Variants in SGK3 observed in about 807,000 individuals in gnomAD.
SGK3 encodes the protein serine/threonine-protein kinase Sgk3.
A neutral mutation model predicts 68.5 loss-of-function variants in SGK3; 47 were observed. The observed-to-expected ratio is 0.69, with a 90% CI of 0.54 to 0.87. The LOEUF (loss-of-function observed/expected upper bound fraction) is 0.87. Among genes scored for constraint, SGK3 ranks in the 40% least tolerant of loss-of-function variants. SGK3 has a pLI of 0.00. For synonymous variants in SGK3, 181 were observed against 189.1 expected (o/e 0.96, Z 0.35); for missense variants, 479 against 575.5 (o/e 0.83, Z 1.72).
At chr8:66,832,616 A>G (rs192501316) in intron 8 of SGK3, among the ~76,000 whole-genome samples, 10 of 152,286 alleles carry the variant, frequency 6.6e-5, no homozygotes, top group Non-Finnish European at 2.9e-5. Flanking sequence ...ATTATCTGTC[A>G]TTAAAAACAA....
chr8:66,839,469 A>T (rs1426454930), intron 10 of SGK3, among the ~76,000 whole-genome samples: 14 of 120,148 alleles, frequency 1.2e-4, no homozygotes, highest in African/African-American at 4.3e-4. Flanking sequence ...GAAAAACAGT[A>T]TTTGGCTCAA....
At chr8:66,799,122 G>C (rs1807821220) in intron 3 of SGK3, among the ~76,000 whole-genome samples, 1 of 152,226 alleles carries the variant, frequency 6.6e-6, no homozygotes, top group Non-Finnish European at 1.5e-5. Context: ...TAAGATCTAA[G>C]AGACCATTAG....
chr8:66,846,487 T>A (rs1287468877), intron 14 of SGK3, among the ~76,000 whole-genome samples: 2 of 152,138 alleles, frequency 1.3e-5, no homozygotes, highest in African/African-American at 4.8e-5. Context: ...GCTGGTTTTT[T>A]ATTTTTTCAG....
chr8:66,800,379 C>CT (rs35415180), intron 3 of SGK3, among the ~76,000 whole-genome samples: 1,318 of 102,356 alleles, frequency 0.013, 16 homozygotes, highest in African/African-American at 0.031. Context: ...TTTTTCATTT[C>CT]TTTTTTTTTT....
At chr8:66,744,513 ATATATATTTTTTTTTTT>A (rs1805581234) in intron 1 of SGK3, among the ~76,000 whole-genome samples, 1 of 25,854 alleles carries the variant, frequency 3.9e-5, no homozygotes, top group Non-Finnish European at 6.0e-5. Flanking sequence ...ATATATATAT[ATATATATTTTTTTTTTT>A]TTTTTTTTTT....
chr8:66,767,856 G>A (rs113087684), intron 1 of SGK3: 19,431 of 1,404,282 alleles, frequency 0.014, 483 homozygotes, highest in South Asian at 0.041. Context: ...TGGGAGCATC[G>A]AATGTTTTGC....
intron 1 of SGK3, among the ~76,000 whole-genome samples, chr8:66,782,178 G>T (rs1286345156): frequency 1.3e-5 from 2 of 152,178 alleles, no homozygotes; most frequent in East Asian, 3.8e-4. Context: ...GTTAGAATTT[G>T]CTGGGAAGGT....
intron 15 of SGK3, among the ~76,000 whole-genome samples, chr8:66,849,537 G>T (rs1232496402): frequency 6.6e-6 from 1 of 151,488 alleles, no homozygotes; most frequent in African/African-American, 2.4e-5. Context: ...TCCCTTATCT[G>T]GTCTTGACTC....
At chr8:66,818,286 A>G (rs572020741) in intron 5 of SGK3, among the ~76,000 whole-genome samples, 2 of 152,358 alleles carry the variant, frequency 1.3e-5, no homozygotes, top group South Asian at 2.1e-4. Flanking sequence ...CCAAAACAAA[A>G]CAAAACAGAA....
At chr8:66,758,787 A>G (rs886954800) in intron 1 of SGK3, among the ~76,000 whole-genome samples, 1 of 152,154 alleles carries the variant, frequency 6.6e-6, no homozygotes, top group African/African-American at 2.4e-5. Context: ...AGTAGCTGGA[A>G]CTACCAGCAT....
intron 7 of SGK3, among the ~76,000 whole-genome samples, chr8:66,830,390 G>A (rs1043509048): frequency 9.1e-4 from 139 of 152,296 alleles, no homozygotes; most frequent in African/African-American, 3.3e-3. Context: ...TATCTCACTA[G>A]TCTTTACCTG....
intron 1 of SGK3, among the ~76,000 whole-genome samples, chr8:66,757,134 T>A (rs900836217): frequency 2.0e-5 from 3 of 149,298 alleles, no homozygotes; most frequent in Admixed American, 2.0e-4. Flanking sequence ...GCCCTATTTT[T>A]TTTTTTTTTT....
chr8:66,757,637 A>G (rs1448365751), intron 1 of SGK3, among the ~76,000 whole-genome samples: 1 of 151,612 alleles, frequency 6.6e-6, no homozygotes, highest in Non-Finnish European at 1.5e-5. Flanking sequence ...AAATATGGCC[A>G]GGTGCAGTGG....
chr8:66,814,000 A>C, intron 5 of SGK3, 72 bp downstream of exon 5: 1 of 1,316,102 alleles, frequency 7.6e-7, no homozygotes, highest in Non-Finnish European at 1.0e-6. Context: ...TCCTTATATA[A>C]ATTTTGTTTG....
intron 1 of SGK3, among the ~76,000 whole-genome samples, chr8:66,744,949 T>C (rs1805610425): frequency 6.6e-6 from 1 of 152,082 alleles, no homozygotes; most frequent in Non-Finnish European, 1.5e-5. Context: ...CTTGCCAACA[T>C]TACTATTGAA....
chr8:66,777,395 A>G (rs1215832717), intron 1 of SGK3, among the ~76,000 whole-genome samples: 1 of 152,188 alleles, frequency 6.6e-6, no homozygotes, highest in Non-Finnish European at 1.5e-5. Flanking sequence ...GAGGTACCGA[A>G]TTCATGGATC....
intron 10 of SGK3, among the ~76,000 whole-genome samples, chr8:66,839,592 T>C (rs1809713926): frequency 7.2e-6 from 1 of 138,700 alleles, no homozygotes; most frequent in Non-Finnish European, 1.5e-5. Flanking sequence ...TGCTGGGCTC[T>C]AGTTTTTAAT....
intron 1 of SGK3, among the ~76,000 whole-genome samples, chr8:66,755,306 G>C (rs1258884027): frequency 6.6e-6 from 1 of 151,644 alleles, no homozygotes; most frequent in Admixed American, 6.6e-5. Context: ...ACAACAGGCT[G>C]TCAGTCTCTG....
intron 1 of SGK3, among the ~76,000 whole-genome samples, chr8:66,749,678 T>C (rs1400195480): frequency 6.6e-6 from 1 of 152,072 alleles, no homozygotes; most frequent in Non-Finnish European, 1.5e-5. Context: ...ATTTTAGCAA[T>C]TTTTCTAGGA....
Sources: gnomAD v4.1 joint callset for allele counts (sites outside exome capture counted in the v4.1 genomes callset) on GRCh38, gnomAD v4.1.1 for gene constraint, MANE v1.5 for transcripts, NCBI Gene and HGNC (gene_info 2026-07-23, HGNC 2026-07-21) for gene names.